The following NLGN1 variants were observed in gnomAD, a reference collection of about 807,000 sequenced individuals.
The protein encoded by NLGN1 is neuroligin 1.
NLGN1 carries 12 observed loss-of-function variants against 65.5 expected under a neutral mutation model. The ratio of observed to expected loss-of-function variants is 0.18; its 90% CI spans 0.12 to 0.30. NLGN1 has a LOEUF of 0.30. Ranked by LOEUF, NLGN1 falls within the 10% of genes least tolerant of loss-of-function variation. The pLI, the probability that NLGN1 is intolerant of heterozygous loss-of-function variation, is 1.00. For missense variants in NLGN1, 750 were observed against 1,007.1 expected (o/e 0.74, Z 3.46); for synonymous variants, 350 against 359.5 (o/e 0.97, Z 0.30).
intron 4 of NLGN1, among the ~76,000 whole-genome samples, chr3:173,844,695 T>C (rs553500675): frequency 6.6e-6 from 1 of 152,292 alleles, no homozygotes; most frequent in Non-Finnish European, 1.5e-5. Flanking sequence ...CAATGAATAA[T>C]GTTTGTGATT....
intron 2 of NLGN1, among the ~76,000 whole-genome samples, chr3:173,496,378 T>C (rs537659951): frequency 1.3e-5 from 2 of 152,068 alleles, no homozygotes; most frequent in East Asian, 1.9e-4. Flanking sequence ...ACAAATAATA[T>C]ATGTAATTTC....
At position 173,862,461 on chromosome 3, in the gene NLGN1, C is replaced by G. The variant is rs549795237; in HGVS notation, c.646+54629C>G. The stretch of plus-strand genomic sequence containing the variant: ...ACGGAGCTTGCAGTGAGCCGAGATC[C>G]CGCCACTGCACTCCAGCCTGGGCGA... On this transcript the variant is annotated intron_variant, in intron 4 of 6. Coordinates refer to ENST00000457714, the Ensembl canonical transcript of NLGN1. 3.0e-3 allele frequency among the ~76,000 whole-genome samples: 429 copies of G among 140,990 alleles called. 2 individuals are homozygous for G. The highest frequency in any genetic ancestry group is 0.01 in the African/African-American group (377 of 37,548). 92.5% of individuals were successfully genotyped at this position (140,990 alleles called of 152,430 possible). A position where few individuals can be genotyped will look rare whatever the true frequency, so the allele number is the denominator to read the frequency against.
chr3:173,575,932 T>C (rs1385801799), intron 2 of NLGN1, among the ~76,000 whole-genome samples: 2 of 152,146 alleles, frequency 1.3e-5, no homozygotes, highest in Non-Finnish European at 2.9e-5. Flanking sequence ...AAATTTTCTT[T>C]TTAACTTGTT....
At chr3:173,794,001 C>G (rs1713410213) in intron 3 of NLGN1, among the ~76,000 whole-genome samples, 3 of 152,054 alleles carry the variant, frequency 2.0e-5, no homozygotes, top group Non-Finnish European at 4.4e-5. Flanking sequence ...ACTCTCTTTT[C>G]TACTCCTTGT....
At chr3:173,935,771 A>T (rs1435212107) in intron 4 of NLGN1, among the ~76,000 whole-genome samples, 1 of 151,984 alleles carries the variant, frequency 6.6e-6, no homozygotes, top group Non-Finnish European at 1.5e-5. Flanking sequence ...GTATTTTTGA[A>T]TCTTTTAAAC....
intron 2 of NLGN1, among the ~76,000 whole-genome samples, chr3:173,532,138 C>T (rs1183363094): frequency 6.6e-6 from 1 of 152,128 alleles, no homozygotes; most frequent in East Asian, 1.9e-4. Context: ...AATCCCAGAG[C>T]TTTTACTCTG....
chr3:173,449,708 C>A (rs1281656330), intron 2 of NLGN1, among the ~76,000 whole-genome samples: 3 of 152,060 alleles, frequency 2.0e-5, no homozygotes, highest in Non-Finnish European at 4.4e-5. Flanking sequence ...AAGTTCTTTG[C>A]AGGTCACTAA....
At chr3:173,407,238 C>G (rs1242336653) in intron 1 of NLGN1, among the ~76,000 whole-genome samples, 2 of 152,064 alleles carry the variant, frequency 1.3e-5, no homozygotes, top group East Asian at 3.9e-4. Flanking sequence ...ACATATTGTA[C>G]AAAGGAATCA....
chr3:174,063,045 A>C lies in NLGN1; in HGVS notation c.647-212270A>C, dbSNP rs1247837915. Among the ~76,000 whole-genome samples the C allele has an allele frequency of 2.0e-5, 3 of 152,142 alleles. No individual in the cohort carries two copies. In the East Asian group the frequency reaches 5.8e-4, roughly 29 times the overall value. ...AAAGTTTCCTCTGAAAGAAAACTCT[A>C]TTATCTAGCAAAGAACCAGAGATGT... On this transcript the variant is annotated intron_variant, in intron 4 of 6. Coordinates refer to ENST00000457714, the Ensembl canonical transcript of NLGN1.
chr3:173,625,704 A>G (rs1011127990), intron 3 of NLGN1, among the ~76,000 whole-genome samples: 3 of 152,192 alleles, frequency 2.0e-5, no homozygotes, highest in African/African-American at 4.8e-5. Context: ...TGATAAAATA[A>G]TGAGGTTAAG....
At chr3:173,432,207 A>G (rs561870667) in intron 1 of NLGN1, among the ~76,000 whole-genome samples, 3 of 152,324 alleles carry the variant, frequency 2.0e-5, no homozygotes, top group South Asian at 2.1e-4. Flanking sequence ...AGGTTTCTAT[A>G]TGGACGTAAG....
chr3:173,446,605 G>A lies in NLGN1; in HGVS notation c.-321+11527G>A, dbSNP rs558077063. ...CAGTTATGGGATGACTGGGTCAAAT[G>A]GTATTTCTAGTTCCAGATCCCTGAG... On this transcript the variant is annotated intron_variant, in intron 2 of 6. Coordinates refer to ENST00000457714, the Ensembl canonical transcript of NLGN1. Among the ~76,000 whole-genome samples the A allele has an allele frequency of 5.9e-5, 9 of 152,246 alleles. No individual in the cohort carries two copies. The South Asian group carries it at 1.9e-3, about 32-fold the overall frequency.
intron 4 of NLGN1, among the ~76,000 whole-genome samples, chr3:173,877,678 A>C (rs535070819): frequency 2.0e-5 from 3 of 152,298 alleles, no homozygotes; most frequent in South Asian, 4.1e-4. Flanking sequence ...TCTTCTATTA[A>C]GTCTAAAATT....
At chr3:174,271,990 A>G (rs957821299) in intron 4 of NLGN1, among the ~76,000 whole-genome samples, 37 of 151,732 alleles carry the variant, frequency 2.4e-4, no homozygotes, top group African/African-American at 8.9e-4. Context: ...AAAGGAAAAG[A>G]GTTCGCTTTA....
chr3:173,807,377 T>C (rs976137880), intron 3 of NLGN1, among the ~76,000 whole-genome samples: 3 of 152,126 alleles, frequency 2.0e-5, no homozygotes, highest in African/African-American at 7.2e-5. Context: ...TTCTTTTGCG[T>C]TTACTGTCAC....
chr3:173,693,808 G>A (rs1161097245), intron 3 of NLGN1, among the ~76,000 whole-genome samples: 1 of 151,970 alleles, frequency 6.6e-6, no homozygotes, highest in African/African-American at 2.4e-5. Flanking sequence ...GTGTTATTTT[G>A]GGTCGCTGAA....
chr3:174,134,486 A>C (rs1720837058), intron 4 of NLGN1, among the ~76,000 whole-genome samples: 2 of 152,216 alleles, frequency 1.3e-5, no homozygotes, highest in Admixed American at 1.3e-4. Context: ...GATGAAAAAA[A>C]GTCTGTGTTT....
At chr3:174,072,995 C>A (rs1235950313) in intron 4 of NLGN1, among the ~76,000 whole-genome samples, 1 of 151,890 alleles carries the variant, frequency 6.6e-6, no homozygotes, top group Admixed American at 6.6e-5. Context: ...TAAAACATGC[C>A]CTCTTGAGTG....
intron 4 of NLGN1, among the ~76,000 whole-genome samples, chr3:173,953,812 G>T (rs750518480): frequency 2.0e-5 from 3 of 152,050 alleles, no homozygotes; most frequent in Admixed American, 6.6e-5. Flanking sequence ...CCAGGTGCTG[G>T]GGTTACAGGT....
Sources: allele counts gnomAD v4.1 joint callset (sites outside exome capture counted in the v4.1 genomes callset), GRCh38; gene constraint gnomAD v4.1.1; transcripts MANE v1.5; gene names NCBI Gene and HGNC (gene_info 2026-07-23, HGNC 2026-07-21).